Variants in ENPP3 observed in about 807,000 individuals in gnomAD.
ENPP3 encodes the protein ectonucleotide pyrophosphatase/phosphodiesterase 3.
ENPP3 carries 104 observed loss-of-function variants against 117.8 expected under a neutral mutation model. The observed-to-expected ratio is 0.88, with a 90% confidence interval of 0.75 to 1.04. ENPP3 has a LOEUF of 1.04. Ranked by LOEUF, ENPP3 falls within the 50% of genes least tolerant of loss-of-function variation. The pLI is 0.00. For missense variants in ENPP3, 1,026 were observed against 1,051.9 expected (o/e 0.98, Z 0.34); for synonymous variants, 380 against 349.9 (o/e 1.09, Z -0.96).
chr6:131,639,316 T>C (rs1777995844), intron 1 of ENPP3, among the ~76,000 whole-genome samples: 1 of 148,026 alleles, frequency 6.8e-6, no homozygotes, highest in Non-Finnish European at 1.5e-5. Flanking sequence ...TCTCGCTCTG[T>C]TGCCCAGGCT....
chr6:131,712,519 G>C (rs1419263350), intron 15 of ENPP3, among the ~76,000 whole-genome samples: 1 of 130,748 alleles, frequency 7.6e-6, no homozygotes, highest in Non-Finnish European at 1.5e-5. Flanking sequence ...CATTTGGCTG[G>C]ATCTGAACTC....
chr6:131,648,755 T>C (rs1419295509), intron 2 of ENPP3, among the ~76,000 whole-genome samples: 1 of 152,186 alleles, frequency 6.6e-6, no homozygotes, highest in Non-Finnish European at 1.5e-5. Context: ...AGAAAGCAAG[T>C]ATCATAGGGA....
At chr6:131,722,525 T>C in intron 18 of ENPP3, 120 bp downstream of exon 18, 1 of 737,310 alleles carries the variant, frequency 1.4e-6, no homozygotes, top group South Asian at 1.8e-5. Flanking sequence ...ATTTACTTAG[T>C]AAATATATGT....
intron 21 of ENPP3, among the ~76,000 whole-genome samples, chr6:131,734,419 T>C (rs1435102050): frequency 6.6e-6 from 1 of 152,150 alleles, no homozygotes; most frequent in African/African-American, 2.4e-5. Flanking sequence ...TTCAACAATT[T>C]CACCTTCTTA....
chr6:131,679,623 T>TCTAGGC (rs1368446234), intron 11 of ENPP3, among the ~76,000 whole-genome samples: 1 of 151,682 alleles, frequency 6.6e-6, no homozygotes, highest in Non-Finnish European at 1.5e-5. Context: ...AAGAGATCTA[T>TCTAGGC]CTAGGCAGTC....
In ENPP3 at chr6:131,637,402, T is replaced by G. The variant is rs757592082; in HGVS notation, c.18T>G (p.Thr6=). The change falls in exon 1 of 25, where the codon ACT becomes ACG. Residue 6 remains threonine (T), a synonymous_variant. Transcript: ENST00000357639. MESTL[T]LATEQPVKKN... ...CCAGGACAATGGAATCTACGTTGAC[T>G]TTAGCAACGGAACAACCTGTTAAGA... The G allele has an allele frequency of 6.3e-7, 1 of 1,598,440 alleles. No individual in the cohort carries two copies. The highest frequency in any genetic ancestry group is 2.3e-5 in the East Asian group (1 of 44,078).
chr6:131,657,762 A>C (rs1778415661), intron 5 of ENPP3, among the ~76,000 whole-genome samples: 1 of 152,248 alleles, frequency 6.6e-6, no homozygotes, highest in Admixed American at 6.5e-5. Context: ...AAGCACAAGC[A>C]TCCTGATAAT....
rs188844059 is a variant in ENPP3 at position 131,674,137 on chromosome 6, A to T, written c.643-25A>T. 578 of 1,402,642 alleles carry T rather than the reference A, an allele frequency of 4.1e-4. 1 individual carries two copies. In the African/African-American group the frequency reaches 7.5e-3, roughly 18 times the overall value. The allele number at this position is 1,402,642 out of a possible 1,614,324, so 86.9% of individuals were successfully genotyped here. Reference sequence around the variant, plus strand: ...CTATTTTACTAATATTTTATCTTACATCTTTTTTGAAATTATCATTTTAGG... The same window carrying T: ...CTATTTTACTAATATTTTATCTTACTTCTTTTTTGAAATTATCATTTTAGG... On this transcript the variant is annotated intron_variant, in intron 7 of 24. Coordinates refer to ENST00000357639, the MANE Select transcript of ENPP3 (RefSeq NM_005021.5).
chr6:131,745,843 G>A lies in ENPP3; in HGVS notation c.2458-943G>A, dbSNP rs55649575. ...GTTAAAATTGAATGTACTCGGCCGG[G>A]TGCGGTGGCTCATGCCTATAATCCC... On this transcript the variant is annotated intron_variant, in intron 24 of 24. Transcript: ENST00000357639. 1.7e-3 allele frequency among the ~76,000 whole-genome samples: 265 copies of A among 152,266 alleles called. 3 individuals carry two copies. The highest frequency in any genetic ancestry group is 0.017 in the Middle Eastern group (5 of 294).
chr6:131,702,155 A>G (rs1451332439), intron 15 of ENPP3, among the ~76,000 whole-genome samples: 3 of 152,158 alleles, frequency 2.0e-5, no homozygotes, highest in South Asian at 4.1e-4. Context: ...CGTATTATTC[A>G]GAGTTTTTCT....
rs747493494 is a variant in ENPP3, at chr6:131,675,170, A to G, written c.853A>G (p.Ile285Val). 1.2e-6 allele frequency: 2 copies of G among 1,604,032 alleles called. No individual in the cohort carries two copies. Among genetic ancestry groups the G allele is most frequent in the Non-Finnish European group, 1.7e-6 (2 of 1,170,918 alleles). ...GGCTATAAATGGCTCCTTTCCTTCC[A>G]TATACATGCCTTACAACGGGTAGTG... is the stretch of plus-strand genomic sequence containing the variant. ...EVAINGSFPSIYMPYNGSVPF... is the reference protein window; with the variant it reads ...EVAINGSFPSVYMPYNGSVPF... The change falls in exon 9 of 25, where the codon ATA becomes GTA. Residue 285 changes from isoleucine (I) to valine (V), a missense_variant. By Grantham distance (29) the Ile-to-Val change is conservative (BLOSUM62 3). Coordinates refer to ENST00000357639, the MANE Select transcript of ENPP3 (RefSeq NM_005021.5).
chr6:131,668,483 G>A (rs982782990), intron 6 of ENPP3, among the ~76,000 whole-genome samples: 1 of 151,962 alleles, frequency 6.6e-6, no homozygotes, highest in Non-Finnish European at 1.5e-5. Flanking sequence ...CCAAAATCCT[G>A]GGATTACAGA....
At position 131,643,874 on chromosome 6, in the gene ENPP3, A is replaced by G. The variant is rs190918857; in HGVS notation, c.154+2344A>G. ...ATAAACAAAATATGTATATAATAAG[A>G]TAAAGTGCTAAGAAATAAGTAAAGC... On this transcript the variant is annotated intron_variant, in intron 2 of 24. Coordinates refer to ENST00000357639, the MANE Select transcript of ENPP3 (RefSeq NM_005021.5). 2.3e-3 allele frequency among the ~76,000 whole-genome samples: 348 copies of G among 152,254 alleles called. 1 individual carries two copies. The highest frequency in any genetic ancestry group is 7.5e-3 in the African/African-American group (310 of 41,556).
In ENPP3 at chr6:131,657,512, A is replaced by C. The variant is rs1473243924; in HGVS notation, c.465-811A>C. 2.0e-5 allele frequency among the ~76,000 whole-genome samples: 3 copies of C among 152,242 alleles called. No individual in the cohort carries two copies. The East Asian group carries it at 5.8e-4, about 29-fold the overall frequency. The stretch of plus-strand genomic sequence containing the variant: ...CAGTAGAATAAGTTCTGGTTTATTC[A>C]TTCACTGGAATATTAGATAGCTATG... On this transcript the variant is annotated intron_variant, in intron 5 of 24. Coordinates refer to ENST00000357639, the MANE Select transcript of ENPP3 (RefSeq NM_005021.5).
chr6:131,717,872 A>G (rs1779932236), intron 15 of ENPP3, among the ~76,000 whole-genome samples: 1 of 152,136 alleles, frequency 6.6e-6, no homozygotes, highest in Admixed American at 6.5e-5. Context: ...TAACTTTTCT[A>G]TGTTTACATG....
At chr6:131,731,662 C>G (rs1246755100) in intron 20 of ENPP3, among the ~76,000 whole-genome samples, 2 of 152,164 alleles carry the variant, frequency 1.3e-5, no homozygotes, top group South Asian at 2.1e-4. Flanking sequence ...CTTATGCGAA[C>G]TCCTGTCTTT....
chr6:131,740,759 T>C (rs1167625773), intron 24 of ENPP3, among the ~76,000 whole-genome samples: 1 of 152,178 alleles, frequency 6.6e-6, no homozygotes. Context: ...TGTATAATGA[T>C]CAAATCAGGA....
rs1369189571 is a variant in ENPP3, at chr6:131,733,686, A to G, written c.2052A>G (p.Ala684=). ...SESQKCSFYL[A]DKNITHGFLY... is the part of the protein sequence containing the mutation. ...GCCAAAAATGTTCCTTCTATTTAGC[A>G]GACAAGAATATCACCCACGGCTTCC... Residue 684 remains alanine (A), a synonymous_variant, in exon 21 of 25, where the codon GCA becomes GCG. Transcript: ENST00000357639. 9 of 1,613,966 alleles carry G rather than the reference A, an allele frequency of 5.6e-6. No homozygotes were observed. Among genetic ancestry groups the G allele is most frequent in the Non-Finnish European group, 7.6e-6 (9 of 1,179,988 alleles).
chr6:131,684,012 A>G (rs1401076913), intron 12 of ENPP3, among the ~76,000 whole-genome samples: 2 of 152,084 alleles, frequency 1.3e-5, no homozygotes, highest in African/African-American at 4.8e-5. Flanking sequence ...CGGCCTCCCA[A>G]AGTGCTGGGA....
Sources: gnomAD v4.1 joint callset for allele counts (sites outside exome capture counted in the v4.1 genomes callset) on GRCh38, gnomAD v4.1.1 for gene constraint, MANE v1.5 for transcripts, NCBI Gene and HGNC (gene_info 2026-07-23, HGNC 2026-07-21) for gene names.